Variants in OSBPL6 observed in about 807,000 individuals in gnomAD.
The protein encoded by OSBPL6 is oxysterol-binding protein-related protein 6.
A neutral mutation model predicts 125.8 loss-of-function variants in OSBPL6; 49 were observed. The observed-to-expected ratio is 0.39, with a 90% confidence interval of 0.31 to 0.49. OSBPL6 has a LOEUF of 0.49. OSBPL6 is among the 20% of genes least tolerant of loss of function. OSBPL6 has a pLI of 0.88. For missense variants in OSBPL6, 986 were observed against 1,135.4 expected (o/e 0.87, Z 1.89); for synonymous variants, 394 against 391.8 (o/e 1.01, Z -0.07).
chr2:178,384,121 G>A lies in OSBPL6; in HGVS notation c.1958G>A (p.Gly653Glu). 6.2e-7 allele frequency: 1 copy of A among 1,614,104 alleles called. No homozygotes were observed. The highest frequency in any genetic ancestry group is 8.5e-7 in the Non-Finnish European group (1 of 1,179,990). The part of the protein sequence containing the change: ...AGSKPFNPVL[G>E]ETYECIREDK... ...AGTAAGCCATTCAACCCAGTCCTTG[G>A]GGAGACTTATGAATGCATTAGAGAA... The change falls in exon 18 of 25, where the codon GGG (glycine) becomes GAG (glutamate). Residue 653 changes from glycine (G) to glutamate (E), a missense_variant. This residue lies in a region of OSBPL6 where 843 missense variants were observed against 997.3 expected (regional missense o/e 0.85). Transcript: ENST00000190611.
At chr2:178,391,043 A>G in intron 21 of OSBPL6, 30 bp from the exon 22 acceptor site, 1 of 1,611,296 alleles carries the variant, frequency 6.2e-7, no homozygotes, top group Non-Finnish European at 8.5e-7. Flanking sequence ...AAAGCCATCA[A>G]ATGTCACAAT....
intron 1 of OSBPL6, among the ~76,000 whole-genome samples, chr2:178,247,809 C>T (rs1167983020): frequency 6.6e-6 from 1 of 152,142 alleles, no homozygotes; most frequent in Admixed American, 6.5e-5. Flanking sequence ...CCTCTCCATG[C>T]CCCTGTTTCC....
upstream of OSBPL6, among the ~76,000 whole-genome samples, chr2:178,194,053 C>T (rs1325417367): frequency 6.6e-6 from 1 of 152,218 alleles, no homozygotes; most frequent in African/African-American, 2.4e-5. Flanking sequence ...CCGCAGTGCT[C>T]CCGGCTGCGG....
chr2:178,285,317 G>C (rs1374453213), intron 2 of OSBPL6, among the ~76,000 whole-genome samples, 196 bp downstream of exon 2: 1 of 151,966 alleles, frequency 6.6e-6, no homozygotes, highest in African/African-American at 2.4e-5. Flanking sequence ...AGGATAGGAA[G>C]TAGAAAAATG....
At chr2:178,385,551 A>G (rs1314328198) in intron 19 of OSBPL6, 30 bp downstream of exon 19, 1 of 1,502,042 alleles carries the variant, frequency 6.7e-7, no homozygotes, top group Non-Finnish European at 9.3e-7. Context: ...TTTAAAATCA[A>G]ATGTATGAGC....
chr2:178,263,715 T>C (rs1296409122), intron 1 of OSBPL6, among the ~76,000 whole-genome samples: 1 of 152,074 alleles, frequency 6.6e-6, no homozygotes, highest in East Asian at 1.9e-4. Flanking sequence ...ACCACAAACG[T>C]GTGCTTGGGG....
chr2:178,353,881 T>TA (rs781549066), intron 12 of OSBPL6, among the ~76,000 whole-genome samples: 9 of 152,204 alleles, frequency 5.9e-5, no homozygotes, highest in Non-Finnish European at 7.3e-5. Context: ...CCCATCAGGC[T>TA]AACAGTGGAT....
intron 3 of OSBPL6, among the ~76,000 whole-genome samples, chr2:178,312,032 AGTGCAGTG>A (rs1214994937): frequency 3.3e-5 from 5 of 152,104 alleles, no homozygotes; most frequent in Non-Finnish European, 5.9e-5. Context: ...CCCAGGCTGG[AGTGCAGTG>A]GTGCCATCTC....
chr2:178,388,755 C>G (rs1039294716), intron 20 of OSBPL6, among the ~76,000 whole-genome samples: 2 of 152,168 alleles, frequency 1.3e-5, no homozygotes, highest in Non-Finnish European at 1.5e-5. Flanking sequence ...ATACTTCTGT[C>G]TCCAGAAAAG....
intron 1 of OSBPL6, among the ~76,000 whole-genome samples, chr2:178,198,837 G>A (rs1206409197): frequency 6.6e-6 from 1 of 152,104 alleles, no homozygotes; most frequent in African/African-American, 2.4e-5. Flanking sequence ...CAATGTTAGG[G>A]AGTTGTTGTT....
intron 1 of OSBPL6, among the ~76,000 whole-genome samples, chr2:178,199,406 T>A (rs1299399647): frequency 6.6e-6 from 1 of 152,140 alleles, no homozygotes; most frequent in Non-Finnish European, 1.5e-5. Flanking sequence ...AATGCTTGGG[T>A]ATTTACTGCT....
intron 13 of OSBPL6, among the ~76,000 whole-genome samples, chr2:178,362,302 G>C (rs2154098882): frequency 6.6e-6 from 1 of 152,010 alleles, no homozygotes; most frequent in Non-Finnish European, 1.5e-5. Context: ...GCACTCTTGA[G>C]GTTTTCTTCC....
At position 178,301,010 on chromosome 2, in the gene OSBPL6, A is replaced by T. The variant is rs184240449; in HGVS notation, c.-155-5020A>T. Among the ~76,000 whole-genome samples the T allele has an allele frequency of 1.7e-3, 259 of 152,264 alleles. 2 individuals are homozygous for T. The highest frequency in any genetic ancestry group is 3.1e-3 in the Non-Finnish European group (212 of 68,024). On this transcript the variant is annotated intron_variant, in intron 2 of 24. Transcript: ENST00000190611. ...TACAAAATGATATGGCAGGGGTAAGATCAATTATTAGTTAAAACATTAAAT... is the reference window on the plus strand; with the variant it reads ...TACAAAATGATATGGCAGGGGTAAGTTCAATTATTAGTTAAAACATTAAAT...
chr2:178,277,299 G>C (rs114631376), intron 1 of OSBPL6, among the ~76,000 whole-genome samples: 1 of 152,160 alleles, frequency 6.6e-6, no homozygotes, highest in African/African-American at 2.4e-5. Flanking sequence ...TAAAATTGCA[G>C]ATTCCTTTAA....
At chr2:178,232,483 G>A (rs2090875074) in intron 1 of OSBPL6, among the ~76,000 whole-genome samples, 1 of 152,152 alleles carries the variant, frequency 6.6e-6, no homozygotes, top group Non-Finnish European at 1.5e-5. Flanking sequence ...ACCTATCTGA[G>A]CCTCAATTTC....
intron 2 of OSBPL6, among the ~76,000 whole-genome samples, chr2:178,290,459 A>G (rs1685152914): frequency 6.6e-6 from 1 of 151,056 alleles, no homozygotes; most frequent in Non-Finnish European, 1.5e-5. Context: ...ATGCTCAAAC[A>G]AAACCTTCTT....
intron 2 of OSBPL6, among the ~76,000 whole-genome samples, chr2:178,294,620 G>A (rs1342226098): frequency 2.0e-5 from 3 of 151,928 alleles, no homozygotes; most frequent in African/African-American, 7.3e-5. Flanking sequence ...AGAGATTTTA[G>A]TATAGCTGTT....
chr2:178,326,905 T>C (rs934610242), intron 4 of OSBPL6, among the ~76,000 whole-genome samples: 18 of 150,712 alleles, frequency 1.2e-4, no homozygotes, highest in African/African-American at 3.7e-4. Flanking sequence ...TATCTCTTTT[T>C]CCCCCCCTTC....
intron 1 of OSBPL6, among the ~76,000 whole-genome samples, chr2:178,281,184 G>C (rs994598004): frequency 6.6e-6 from 1 of 151,810 alleles, no homozygotes; most frequent in Non-Finnish European, 1.5e-5. Context: ...GCTAATTTTT[G>C]TATTTTTTAG....
Sources: gnomAD v4.1 joint callset for allele counts (sites outside exome capture counted in the v4.1 genomes callset) on GRCh38, gnomAD v4.1.1 for gene constraint, gnomAD v4.1.1 regional missense constraint, MANE v1.5 for transcripts, NCBI Gene and HGNC (gene_info 2026-07-23, HGNC 2026-07-21) for gene names.